Variants in CEP41 observed in about 807,000 individuals in gnomAD.
CEP41 encodes the protein centrosomal protein 41.
CEP41 carries 32 observed loss-of-function variants against 44.3 expected under a neutral mutation model. That is an observed-to-expected ratio of 0.72 (90% CI 0.54 to 0.97). The LOEUF (loss-of-function observed/expected upper bound fraction) is 0.97. Ranked by LOEUF, CEP41 falls within the 50% of genes least tolerant of loss-of-function variation. The pLI is 0.00. For synonymous variants in CEP41, 151 were observed against 168.5 expected (o/e 0.90, Z 0.80); for missense variants, 432 against 455.2 (o/e 0.95, Z 0.46).
In CEP41 at chr7:130,397,336, TA is replaced by T. The variant is rs782580853; in HGVS notation, c.*1554del. 5 of 454,318 alleles carry T rather than the reference TA, an allele frequency of 1.1e-5. No individual in the cohort carries two copies. Among genetic ancestry groups the T allele is most frequent in the Admixed American group, 2.4e-5 (1 of 42,544 alleles). 28.1% of individuals were successfully genotyped at this position (454,318 alleles called of 1,614,324 possible). On this transcript the variant is annotated 3_prime_UTR_variant, in exon 11 of 11. Transcript: ENST00000223208. ...CAATGTCCCTGGTTTGTTTGATTTC[TA>T]AAGCATCGGAAAATGTTGCACTTTG...
chr7:130,404,824 G>A (rs942967979), intron 5 of CEP41, 116 bp from the exon 6 acceptor site: 18 of 898,004 alleles, frequency 2.0e-5, no homozygotes, highest in Middle Eastern at 3.2e-4. Flanking sequence ...TTAAATTGTC[G>A]TGGAAGTGCT....
chr7:130,403,043 C>A (rs188115379), intron 6 of CEP41, among the ~76,000 whole-genome samples: 2 of 152,122 alleles, frequency 1.3e-5, no homozygotes, highest in African/African-American at 2.4e-5. Flanking sequence ...TCAGACAATG[C>A]GTGTCAGTGC....
chr7:130,396,365 C>G lies in CEP41; in HGVS notation c.*2526G>C, dbSNP rs1554414530. 2.2e-6 allele frequency: 1 copy of G among 453,994 alleles called. No homozygotes were observed. The highest frequency in any genetic ancestry group is 4.4e-6 in the Non-Finnish European group (1 of 226,762). 28.1% of individuals were successfully genotyped at this position (453,994 alleles called of 1,614,324 possible). ...GGCTTTCTGACTGGAGAGCTGAGGC[C>G]CCCTGCCCTAATTGGACTGATTTCC... On this transcript the variant is annotated 3_prime_UTR_variant, in exon 11 of 11. Transcript: ENST00000223208.
rs150341501 is a variant in CEP41 at position 130,414,227 on chromosome 7, A to G, written c.146-1987T>C. 4.3e-4 allele frequency among the ~76,000 whole-genome samples: 66 copies of G among 152,368 alleles called. 3 individuals carry two copies. In the East Asian group the frequency reaches 0.011, roughly 26 times the overall value. ...AATAACAGACCATTACTTCTAGGAA[A>G]TGCTTAGAGATGCTGCTTCTGGATA... On this transcript the variant is annotated intron_variant, in intron 3 of 10. Coordinates refer to ENST00000223208, the MANE Select transcript of CEP41 (RefSeq NM_018718.3).
At position 130,394,981 on chromosome 7, in the gene CEP41, G is replaced by C. The variant is rs193086361; in HGVS notation, c.*3910C>G. 1 of 454,088 alleles carries C rather than the reference G, an allele frequency of 2.2e-6. No individual in the cohort carries two copies. Among genetic ancestry groups the C allele is most frequent in the Non-Finnish European group, 4.4e-6 (1 of 226,782 alleles). 28.1% of individuals were successfully genotyped at this position (454,088 alleles called of 1,614,324 possible). On this transcript the variant is annotated 3_prime_UTR_variant, in exon 11 of 11. Coordinates refer to ENST00000223208, the MANE Select transcript of CEP41 (RefSeq NM_018718.3). ...AGAATTTGCTTCTGTACAGAACAAA[G>C]AGGATCAGCAACAGAGAGGGGAGCC...
intron 5 of CEP41, among the ~76,000 whole-genome samples, chr7:130,410,111 C>T (rs1033464784): frequency 1.3e-5 from 2 of 150,048 alleles, no homozygotes; most frequent in Non-Finnish European, 2.9e-5. Flanking sequence ...CTGCAACCTC[C>T]GCCTCCTGGG....
At chr7:130,438,290 G>A (rs904827731) in intron 1 of CEP41, among the ~76,000 whole-genome samples, 3 of 152,170 alleles carry the variant, frequency 2.0e-5, no homozygotes, top group Admixed American at 2.0e-4. Context: ...GGGCGCGGTG[G>A]CTCATGCCTG....
chr7:130,396,022 C>T lies in CEP41; in HGVS notation c.*2869G>A, dbSNP rs1554414382. On this transcript the variant is annotated 3_prime_UTR_variant, in exon 11 of 11. Coordinates refer to ENST00000223208, the MANE Select transcript of CEP41 (RefSeq NM_018718.3). ...AATAAGTAATGTAGCTTTCTCCTTT[C>T]TCTCTCGCTTTCTGCTTCTTTTCTT... is the stretch of plus-strand genomic sequence containing the variant. The T allele has an allele frequency of 2.2e-6, 1 of 453,880 alleles. No homozygotes were observed. The highest frequency in any genetic ancestry group is 4.4e-6 in the Non-Finnish European group (1 of 226,776). 28.1% of individuals were successfully genotyped at this position (453,880 alleles called of 1,614,324 possible). A position where few individuals can be genotyped will look rare whatever the true frequency, so the allele number is the denominator to read the frequency against.
At chr7:130,409,545 A>G (rs186476529) in intron 5 of CEP41, among the ~76,000 whole-genome samples, 2 of 152,308 alleles carry the variant, frequency 1.3e-5, no homozygotes, top group East Asian at 3.9e-4. Flanking sequence ...CTAACAAAAA[A>G]CAGTCCAGGG....
intron 1 of CEP41, among the ~76,000 whole-genome samples, chr7:130,436,641 CTA>C (rs782133571): frequency 0.075 from 8,875 of 117,786 alleles, 260 homozygotes; most frequent in African/African-American, 0.098. Flanking sequence ...CTTCTTTGTA[CTA>C]TTTTTTTTTT....
chr7:130,417,378 G>A (rs532310999), intron 2 of CEP41: 1 of 1,080,740 alleles, frequency 9.3e-7, no homozygotes, highest in Admixed American at 4.9e-5. Flanking sequence ...TGTCTAAAAT[G>A]TGCCTTTGTG....
chr7:130,436,161 A>T (rs1206294128), intron 1 of CEP41, among the ~76,000 whole-genome samples: 1 of 152,206 alleles, frequency 6.6e-6, no homozygotes. Context: ...CTCAAAAAAC[A>T]AAACAAAACA....
chr7:130,441,715 T>C (rs1016128447), upstream of CEP41, among the ~76,000 whole-genome samples: 2 of 152,162 alleles, frequency 1.3e-5, no homozygotes, highest in Non-Finnish European at 2.9e-5. Context: ...TAGGACCCAA[T>C]CCCGTCGTCA....
chr7:130,440,776 A>AGCCCG (rs1352111657), intron 1 of CEP41, 158 bp downstream of exon 1: 8 of 567,008 alleles, frequency 1.4e-5, no homozygotes, highest in Non-Finnish European at 2.3e-5. Flanking sequence ...GCGGCCCCCA[A>AGCCCG]GCCCGGCCCG....
rs369021073 is a variant in CEP41 at position 130,437,788 on chromosome 7, AG to A, written c.33+3145del. Among the ~76,000 whole-genome samples, 492 of 130,600 alleles carry A rather than the reference AG, an allele frequency of 3.8e-3. 11 individuals carry two copies. Among genetic ancestry groups the A allele is most frequent in the East Asian group, 4.5e-3 (21 of 4,656 alleles). The allele number at this position is 130,600 out of a possible 152,430, so 85.7% of individuals were successfully genotyped here. ...TCAAAAAAAAAAAAAAAAAAAAAAA[AG>A]AAAAAGAAAAAAAAAGATGTTGATG... is the stretch of plus-strand genomic sequence containing the variant. On this transcript the variant is annotated intron_variant, in intron 1 of 10. Coordinates refer to ENST00000223208, the MANE Select transcript of CEP41 (RefSeq NM_018718.3).
At chr7:130,431,772 G>A (rs904980375) in intron 1 of CEP41, among the ~76,000 whole-genome samples, 2 of 152,106 alleles carry the variant, frequency 1.3e-5, no homozygotes, top group Admixed American at 6.6e-5. Context: ...GAGCATAGCG[G>A]GAAATACGGG....
At chr7:130,425,197 T>G (rs1554423088) in intron 2 of CEP41, among the ~76,000 whole-genome samples, 1 of 151,872 alleles carries the variant, frequency 6.6e-6, no homozygotes, top group East Asian at 1.9e-4. Flanking sequence ...GGTGGATCAC[T>G]TGAGGCAGGA....
Position 130,397,116 on chromosome 7 carries a change from C to T in CEP41, c.*1775G>A, listed in dbSNP as rs782412865. On this transcript the variant is annotated 3_prime_UTR_variant, in exon 11 of 11. Coordinates refer to ENST00000223208, the MANE Select transcript of CEP41 (RefSeq NM_018718.3). ...GGAAAGCTGAGTGTGGAAAAATGTG[C>T]ATTTTTCTATCTATGCTGTAAAGAA... 2 of 454,430 alleles carry T rather than the reference C, an allele frequency of 4.4e-6. No individual in the cohort carries two copies. The highest frequency in any genetic ancestry group is 3.1e-5 in the South Asian group (2 of 64,474). 28.1% of individuals were successfully genotyped at this position (454,430 alleles called of 1,614,324 possible).
chr7:130,402,495 G>A (rs1213487307), intron 7 of CEP41, among the ~76,000 whole-genome samples, 153 bp downstream of exon 7: 3 of 152,154 alleles, frequency 2.0e-5, no homozygotes, highest in African/African-American at 7.2e-5. Flanking sequence ...AGTATTTTAT[G>A]GTGGAGCCAA....
Sources: gnomAD v4.1 joint callset for allele counts (sites outside exome capture counted in the v4.1 genomes callset) on GRCh38, gnomAD v4.1.1 for gene constraint, MANE v1.5 for transcripts, NCBI Gene and HGNC (gene_info 2026-07-23, HGNC 2026-07-21) for gene names.